The following GNB1 variants were observed in gnomAD, a reference collection of about 807,000 sequenced individuals.
GNB1 encodes G protein subunit beta 1, also known as guanine nucleotide-binding protein G(I)/G(S)/G(T) subunit beta-1.
In GNB1, 2 loss-of-function variants were observed where a neutral mutation model predicts 42.9. The ratio of observed to expected loss-of-function variants is 0.05; its 90% CI spans 0.02 to 0.15. The LOEUF (loss-of-function observed/expected upper bound fraction) is 0.15. Ranked by LOEUF, GNB1 falls within the 10% of genes least tolerant of loss-of-function variation. GNB1 has a pLI of 1.00. For synonymous variants in GNB1, 183 were observed against 174.7 expected (o/e 1.05, Z -0.38); for missense variants, 193 against 462.2 (o/e 0.42, Z 5.34).
intron 1 of GNB1, among the ~76,000 whole-genome samples, chr1:1,856,149 G>C (rs1382797640): frequency 6.6e-6 from 1 of 151,968 alleles, no homozygotes; most frequent in Non-Finnish European, 1.5e-5. Flanking sequence ...AGTCTCCTGA[G>C]CAGCCAGGAC....
At chr1:1,877,455 T>C (rs996833643) in intron 1 of GNB1, among the ~76,000 whole-genome samples, 6 of 151,702 alleles carry the variant, frequency 4.0e-5, no homozygotes, top group African/African-American at 1.5e-4. Flanking sequence ...ATTGAGAGAT[T>C]ATAGATTTTT....
At chr1:1,795,871 G>A (rs1419064454) in intron 7 of GNB1, among the ~76,000 whole-genome samples, 1 of 152,186 alleles carries the variant, frequency 6.6e-6, no homozygotes, top group East Asian at 1.9e-4. Flanking sequence ...ACCAGAGACT[G>A]AACCCTAAAA....
chr1:1,821,143 A>T (rs1285840224), intron 3 of GNB1, among the ~76,000 whole-genome samples: 1 of 152,222 alleles, frequency 6.6e-6, no homozygotes, highest in Non-Finnish European at 1.5e-5. Context: ...TTCATCCTAA[A>T]TTAAAGCCTG....
intron 1 of GNB1, among the ~76,000 whole-genome samples, chr1:1,883,691 G>A (rs1395802535): frequency 1.3e-5 from 2 of 152,162 alleles, no homozygotes; most frequent in African/African-American, 4.8e-5. Flanking sequence ...AATTAAGGCA[G>A]GCTCAGGGAG....
chr1:1,817,969 G>C (rs991039435), intron 3 of GNB1, 94 bp from the exon 4 acceptor site: 1 of 929,262 alleles, frequency 1.1e-6, no homozygotes, highest in Non-Finnish European at 1.8e-6. Flanking sequence ...GCTTTCCTAA[G>C]CTGTCAGGAG....
intron 5 of GNB1, among the ~76,000 whole-genome samples, chr1:1,810,685 T>A (rs1311635702): frequency 6.6e-6 from 1 of 152,146 alleles, no homozygotes; most frequent in African/African-American, 2.4e-5. Flanking sequence ...TTTGTTTTTT[T>A]GAGACAGAGT....
intron 1 of GNB1, among the ~76,000 whole-genome samples, chr1:1,877,948 G>A (rs994228166): frequency 2.0e-5 from 3 of 152,154 alleles, no homozygotes; most frequent in African/African-American, 7.2e-5. Flanking sequence ...ACTAACATAG[G>A]AAGAGGCAAA....
chr1:1,887,474 G>A (rs1331237243), intron 1 of GNB1, among the ~76,000 whole-genome samples: 1 of 152,196 alleles, frequency 6.6e-6, no homozygotes, highest in Non-Finnish European at 1.5e-5. Context: ...GCAAAGGGAA[G>A]AGAACAAAGC....
intron 1 of GNB1, among the ~76,000 whole-genome samples, chr1:1,888,846 TAAAG>T (rs1650305409): frequency 6.6e-6 from 1 of 151,934 alleles, no homozygotes; most frequent in Non-Finnish European, 1.5e-5. Flanking sequence ...TCTCAAAAAG[TAAAG>T]AAAGTTCTGC....
At chr1:1,829,960 G>T (rs1037097897) in intron 2 of GNB1, among the ~76,000 whole-genome samples, 2 of 152,020 alleles carry the variant, frequency 1.3e-5, no homozygotes, top group Admixed American at 6.6e-5. Flanking sequence ...GGCTGGTCTT[G>T]AACTCCTGAC....
intron 2 of GNB1, among the ~76,000 whole-genome samples, chr1:1,836,884 CA>C (rs1256325570): frequency 7.9e-6 from 1 of 126,556 alleles, no homozygotes; most frequent in Non-Finnish European, 1.6e-5. Flanking sequence ...TTTGAAGAGA[CA>C]GGGGTCTCAC....
intron 1 of GNB1, among the ~76,000 whole-genome samples, chr1:1,861,487 A>C (rs1163347827): frequency 6.6e-6 from 1 of 151,802 alleles, no homozygotes; most frequent in Non-Finnish European, 1.5e-5. Context: ...ATAAAAACCC[A>C]GCAGGAACTC....
intron 1 of GNB1, among the ~76,000 whole-genome samples, chr1:1,853,916 G>T (rs1056833248): frequency 1.3e-5 from 2 of 152,128 alleles, no homozygotes; most frequent in South Asian, 4.1e-4. Context: ...TAGGATAGAA[G>T]TGTCAATTGT....
chr1:1,881,816 AT>A (rs1202821763), intron 1 of GNB1, among the ~76,000 whole-genome samples: 1 of 152,186 alleles, frequency 6.6e-6, no homozygotes, highest in African/African-American at 2.4e-5. Context: ...CGCTTGATAA[AT>A]AATTACTGAG....
chr1:1,852,297 C>T (rs527875097), intron 1 of GNB1, among the ~76,000 whole-genome samples: 10 of 152,014 alleles, frequency 6.6e-5, no homozygotes, highest in East Asian at 2.0e-4. Context: ...GGCGCCATCT[C>T]GGCTCACTGC....
Position 1,862,654 on chromosome 1 carries a change from T to C in GNB1, c.-95-23416A>G, listed in dbSNP as rs558631736. Reference sequence around the variant, plus strand: ...TTGTAATTTTTGTAGAGACAGGGTTTCCCCCATGTTGCCTAGGCTGGTCTC... The same window carrying C: ...TTGTAATTTTTGTAGAGACAGGGTTCCCCCCATGTTGCCTAGGCTGGTCTC... On this transcript the variant is annotated intron_variant, in intron 1 of 11. Coordinates refer to ENST00000378609, the MANE Select transcript of GNB1 (RefSeq NM_002074.5). Among the ~76,000 whole-genome samples, 4 of 151,748 alleles carry C rather than the reference T, an allele frequency of 2.6e-5. No individual in the cohort carries two copies. The South Asian group carries it at 8.3e-4, about 32-fold the overall frequency.
intron 1 of GNB1, among the ~76,000 whole-genome samples, chr1:1,849,537 G>C (rs1198517943): frequency 6.6e-6 from 1 of 152,218 alleles, no homozygotes; most frequent in South Asian, 2.1e-4. Flanking sequence ...CTCCTGAGTA[G>C]CTGAGACCAC....
chr1:1,881,093 T>C (rs1409031882), intron 1 of GNB1, among the ~76,000 whole-genome samples: 2 of 152,096 alleles, frequency 1.3e-5, no homozygotes, highest in East Asian at 1.9e-4. Context: ...GTACCCTCGA[T>C]GCAAAACATG....
At chr1:1,850,114 C>T (rs372173613) in intron 1 of GNB1, among the ~76,000 whole-genome samples, 5 of 151,552 alleles carry the variant, frequency 3.3e-5, no homozygotes, top group African/African-American at 1.2e-4. Flanking sequence ...TACAGGTGCC[C>T]GCCACCACAC....
Sources: allele counts gnomAD v4.1 joint callset (sites outside exome capture counted in the v4.1 genomes callset), GRCh38; gene constraint gnomAD v4.1.1; transcripts MANE v1.5; gene names NCBI Gene and HGNC (gene_info 2026-07-23, HGNC 2026-07-21).